Variants in RTN1 observed in about 807,000 individuals in gnomAD.
RTN1 encodes reticulon 1.
A neutral mutation model predicts 65.5 loss-of-function variants in RTN1; 25 were observed. The ratio of observed to expected loss-of-function variants is 0.38; its 90% CI spans 0.28 to 0.53. The LOEUF is 0.53. Among genes scored for constraint, RTN1 ranks in the 20% least tolerant of loss-of-function variants. The probability of loss-of-function intolerance (pLI) is 0.79; values close to 1 mark genes in which losing one functional copy is unlikely to be tolerated. For synonymous variants in RTN1, 471 were observed against 447.6 expected, an observed-to-expected ratio of 1.05 and a Z score of -0.66; for missense variants, 983 against 1,025.4, an observed-to-expected ratio of 0.96 and a Z score of 0.57.
At chr14:59,661,890 G>A (rs975864963) in intron 3 of RTN1, among the ~76,000 whole-genome samples, 1 of 152,182 alleles carries the variant, frequency 6.6e-6, no homozygotes, top group African/African-American at 2.4e-5. Context: ...AGTGTTGGAA[G>A]TTCTGGCCAG....
intron 3 of RTN1, among the ~76,000 whole-genome samples, chr14:59,649,823 A>G (rs1308862857): frequency 6.6e-6 from 1 of 152,222 alleles, no homozygotes; most frequent in African/African-American, 2.4e-5. Flanking sequence ...TAGTTCAACC[A>G]TTGTGGAACA....
chr14:59,840,714 T>C (rs1887295643), intron 1 of RTN1, among the ~76,000 whole-genome samples: 2 of 152,250 alleles, frequency 1.3e-5, no homozygotes, highest in South Asian at 4.1e-4. Context: ...CTTTCATGGA[T>C]GTGCCCTTTT....
chr14:59,606,127 T>TATATATATATATA (rs1566658130), intron 4 of RTN1: 10 of 45,336 alleles, frequency 2.2e-4, no homozygotes, highest in African/African-American at 4.5e-4. Flanking sequence ...TATATATATA[T>TATATATATATATA]CATACCAGCT....
chr14:59,787,715 G>T (rs1185831667), intron 1 of RTN1, among the ~76,000 whole-genome samples: 6 of 152,124 alleles, frequency 3.9e-5, no homozygotes, highest in Non-Finnish European at 8.8e-5. Context: ...TGGTGGCAGG[G>T]CTGTTGTGTC....
At chr14:59,684,765 G>A (rs1370022315) in intron 3 of RTN1, among the ~76,000 whole-genome samples, 1 of 152,008 alleles carries the variant, frequency 6.6e-6, no homozygotes, top group Non-Finnish European at 1.5e-5. Context: ...AAAATATCTT[G>A]ATTTTGCTTA....
chr14:59,602,992 AC>A, intron 8 of RTN1, 72 bp downstream of exon 8: 1 of 1,119,160 alleles, frequency 8.9e-7, no homozygotes, highest in Non-Finnish European at 1.3e-6. Context: ...TCTTCTCATT[AC>A]CCCTATCCTA....
chr14:59,691,248 GTTACA>G (rs1883955202), intron 3 of RTN1, among the ~76,000 whole-genome samples: 2 of 152,050 alleles, frequency 1.3e-5, no homozygotes, highest in African/African-American at 2.4e-5. Context: ...AGCAAAAAAA[GTTACA>G]TTACAACTGA....
intron 3 of RTN1, among the ~76,000 whole-genome samples, chr14:59,706,119 C>A (rs1884288259): frequency 6.6e-6 from 1 of 152,172 alleles, no homozygotes; most frequent in Admixed American, 6.5e-5. Context: ...CTCATGACAC[C>A]ACACCCGACA....
At chr14:59,852,198 T>C (rs901159946) in intron 1 of RTN1, among the ~76,000 whole-genome samples, 3 of 152,238 alleles carry the variant, frequency 2.0e-5, no homozygotes, top group African/African-American at 7.2e-5. Flanking sequence ...ACATAGGGGC[T>C]ACAATCTAGT....
At chr14:59,673,620 A>ATG (rs1883558365) in intron 3 of RTN1, among the ~76,000 whole-genome samples, 1 of 152,168 alleles carries the variant, frequency 6.6e-6, no homozygotes. Context: ...GGAAGCATGC[A>ATG]TGCTGATTGG....
At chr14:59,741,392 C>T (rs191674582) in intron 2 of RTN1, among the ~76,000 whole-genome samples, 1 of 152,292 alleles carries the variant, frequency 6.6e-6, no homozygotes, top group East Asian at 1.9e-4. Flanking sequence ...CTGTATTTTT[C>T]TTCATAACCA....
rs768569461 is a variant in RTN1, at chr14:59,849,837, C to G, written c.241+20553G>C. On this transcript the variant is annotated intron_variant, in intron 1 of 8. Transcript: ENST00000267484. The surrounding 1 kb of genome is among the most constrained non-coding windows in gnomAD (Gnocchi z 4.5). ...TAGCCAAGTCTTCTTAACTACTTCT[C>G]TTTTCCTCTTCTTCATAAATCCATT... 2.0e-5 allele frequency among the ~76,000 whole-genome samples: 3 copies of G among 152,216 alleles called. No homozygotes were observed. Among genetic ancestry groups the G allele is most frequent in the Non-Finnish European group, 4.4e-5 (3 of 68,034 alleles).
chr14:59,756,374 T>C (rs75790217), intron 1 of RTN1, among the ~76,000 whole-genome samples: 3,788 of 152,338 alleles, frequency 0.025, 155 homozygotes, highest in African/African-American at 0.086. Flanking sequence ...ATTCCTTTGC[T>C]GTTTTGAAGA....
intron 3 of RTN1, among the ~76,000 whole-genome samples, chr14:59,710,045 CT>C (rs11353177): frequency 0.24 from 26,856 of 110,350 alleles, 2,582 homozygotes; most frequent in African/African-American, 0.42. Flanking sequence ...CTCTTTCTTT[CT>C]TTTTTTTTTT....
intron 3 of RTN1, among the ~76,000 whole-genome samples, chr14:59,657,392 GA>G (rs1454819226): frequency 6.6e-6 from 1 of 152,210 alleles, no homozygotes; most frequent in African/African-American, 2.4e-5. Flanking sequence ...CTGGGTGAAA[GA>G]GTGAGACTCT....
intron 1 of RTN1, among the ~76,000 whole-genome samples, chr14:59,780,438 T>C (rs889476572): frequency 1.3e-5 from 2 of 152,124 alleles, no homozygotes; most frequent in Non-Finnish European, 2.9e-5. Flanking sequence ...ATTGAGAGGA[T>C]GCTAGAGAAA....
Position 59,825,963 on chromosome 14 carries a change from T to C in RTN1, c.241+44427A>G, listed in dbSNP as rs938110487. On this transcript the variant is annotated intron_variant, in intron 1 of 8. Coordinates refer to ENST00000267484, the MANE Select transcript of RTN1 (RefSeq NM_021136.3). The surrounding 1 kb of genome is among the most constrained non-coding windows in gnomAD (Gnocchi z 4.2). ...AGTTCAGACATTTCATTCATTAGCATTGGCTTTCCTATTTGCACTTGTGTG... is the reference window on the plus strand; with the variant it reads ...AGTTCAGACATTTCATTCATTAGCACTGGCTTTCCTATTTGCACTTGTGTG... Among the ~76,000 whole-genome samples the C allele has an allele frequency of 6.6e-6, 1 of 152,192 alleles. No homozygotes were observed. The highest frequency in any genetic ancestry group is 2.4e-5 in the African/African-American group (1 of 41,444).
At chr14:59,665,396 G>C (rs1192241705) in intron 3 of RTN1, among the ~76,000 whole-genome samples, 1 of 152,152 alleles carries the variant, frequency 6.6e-6, no homozygotes, top group African/African-American at 2.4e-5. Context: ...AATGCTGAGA[G>C]ATTTTGTCAC....
intron 1 of RTN1, among the ~76,000 whole-genome samples, chr14:59,853,804 A>G (rs1887552166): frequency 6.6e-6 from 1 of 151,212 alleles, no homozygotes; most frequent in African/African-American, 2.4e-5. Flanking sequence ...CATTCTATCC[A>G]TACAGTTAGT....
Sources: allele counts gnomAD v4.1 joint callset (sites outside exome capture counted in the v4.1 genomes callset), GRCh38; gene constraint gnomAD v4.1.1; non-coding constraint Gnocchi (gnomAD v3.1); transcripts MANE v1.5; gene names NCBI Gene and HGNC (gene_info 2026-07-23, HGNC 2026-07-21).